The following TSPAN18 variants were observed in gnomAD, a reference collection of about 807,000 sequenced individuals.
TSPAN18 encodes tetraspanin-18.
A neutral mutation model predicts 27.3 loss-of-function variants in TSPAN18; 14 were observed. That is an observed-to-expected ratio of 0.51 (90% CI 0.34 to 0.80). The LOEUF is 0.80. Ranked by LOEUF, TSPAN18 falls within the 30% of genes least tolerant of loss-of-function variation. The pLI, the probability that TSPAN18 is intolerant of heterozygous loss-of-function variation, is 0.01. For missense variants in TSPAN18, 268 were observed against 323.9 expected (o/e 0.83, Z 1.32); for synonymous variants, 143 against 136.5 (o/e 1.05, Z -0.33).
chr11:44,835,981 C>A (rs554188512), intron 2 of TSPAN18, among the ~76,000 whole-genome samples: 1 of 152,114 alleles, frequency 6.6e-6, no homozygotes, highest in Non-Finnish European at 1.5e-5. Context: ...CTGAACCCAC[C>A]GGCCATTCCC....
chr11:44,875,700 C>G (rs2135246945), intron 3 of TSPAN18, among the ~76,000 whole-genome samples: 2 of 152,356 alleles, frequency 1.3e-5, no homozygotes, highest in South Asian at 4.1e-4. Flanking sequence ...TCATTTCTAG[C>G]TCTTGGCCTC....
intron 2 of TSPAN18, among the ~76,000 whole-genome samples, chr11:44,819,134 C>T (rs1034770101): frequency 2.6e-5 from 4 of 152,190 alleles, no homozygotes; most frequent in Non-Finnish European, 4.4e-5. Flanking sequence ...TGCTCTGAGC[C>T]CCCTTCTGTC....
intron 3 of TSPAN18, among the ~76,000 whole-genome samples, chr11:44,889,852 A>G (rs1260427001): frequency 1.3e-5 from 2 of 152,194 alleles, no homozygotes; most frequent in Non-Finnish European, 2.9e-5. Context: ...TGGGCCCTTC[A>G]TTGAGCCTGC....
chr11:44,813,135 C>T (rs998834344), intron 2 of TSPAN18, among the ~76,000 whole-genome samples: 18 of 152,206 alleles, frequency 1.2e-4, no homozygotes, highest in Admixed American at 7.9e-4. Context: ...CTGGCCTCAG[C>T]GGCCTGGCGC....
At chr11:44,881,145 C>G (rs1438243233) in intron 3 of TSPAN18, among the ~76,000 whole-genome samples, 1 of 152,202 alleles carries the variant, frequency 6.6e-6, no homozygotes, top group Non-Finnish European at 1.5e-5. Context: ...GTCTTCACTG[C>G]TGAGAAATGG....
chr11:44,745,567 T>C (rs1174544829), intron 1 of TSPAN18, among the ~76,000 whole-genome samples: 1 of 152,142 alleles, frequency 6.6e-6, no homozygotes, highest in Non-Finnish European at 1.5e-5. Context: ...TTGGGGGGTG[T>C]CCAGAAGGGG....
intron 2 of TSPAN18, among the ~76,000 whole-genome samples, chr11:44,785,636 G>A (rs1856039051): frequency 6.6e-6 from 1 of 151,958 alleles, no homozygotes; most frequent in Non-Finnish European, 1.5e-5. Context: ...CTTTGGCAAG[G>A]TGGTTTTATA....
At chr11:44,895,413 G>T (rs556655931) in intron 3 of TSPAN18, among the ~76,000 whole-genome samples, 14 of 152,148 alleles carry the variant, frequency 9.2e-5, no homozygotes, top group Non-Finnish European at 2.1e-4. Flanking sequence ...GGAGAGGGGG[G>T]TGACTTTCCC....
Position 44,900,657 on chromosome 11 carries a change from T to C in TSPAN18, c.-10-5750T>C, listed in dbSNP as rs899401862. Among the ~76,000 whole-genome samples, 11 of 150,620 alleles carry C rather than the reference T, an allele frequency of 7.3e-5. No individual in the cohort carries two copies. The South Asian group carries it at 2.3e-3, about 32-fold the overall frequency. On this transcript the variant is annotated intron_variant, in intron 3 of 9. Transcript: ENST00000520358. ...CATGTGCCAAGCCCTGTGCTCAGTATTTTCCATACAACTTGAGGAAGGCTT... is the reference window on the plus strand; with the variant it reads ...CATGTGCCAAGCCCTGTGCTCAGTACTTTCCATACAACTTGAGGAAGGCTT...
At position 44,930,467 on chromosome 11, in the gene TSPAN18, T is replaced by C; in HGVS notation, c.*1289T>C. The C allele has an allele frequency of 4.4e-6, 1 of 228,660 alleles. No individual in the cohort carries two copies. The highest frequency in any genetic ancestry group is 8.8e-6 in the Non-Finnish European group (1 of 114,006). 14.2% of individuals were successfully genotyped at this position (228,660 alleles called of 1,614,324 possible). On this transcript the variant is annotated 3_prime_UTR_variant, in exon 10 of 10. Coordinates refer to ENST00000520358, the MANE Select transcript of TSPAN18 (RefSeq NM_130783.5). ...CACACATTGACTCCCCTGAGCCCTC[T>C]TCTCTCCAGGCTAAAGAATCCCGAA... is the stretch of plus-strand genomic sequence containing the variant.
intron 2 of TSPAN18, among the ~76,000 whole-genome samples, chr11:44,811,758 G>T (rs149763409): frequency 6.6e-6 from 1 of 152,158 alleles, no homozygotes; most frequent in African/African-American, 2.4e-5. Flanking sequence ...CACTGCACCC[G>T]GCCTATGTTT....
At chr11:44,834,506 G>A (rs1294930916) in intron 2 of TSPAN18, among the ~76,000 whole-genome samples, 2 of 152,116 alleles carry the variant, frequency 1.3e-5, no homozygotes, top group African/African-American at 4.8e-5. Context: ...TGAAACCCAA[G>A]GCCTCACAAG....
chr11:44,790,380 T>C (rs1856177297), intron 2 of TSPAN18, among the ~76,000 whole-genome samples: 1 of 149,478 alleles, frequency 6.7e-6, no homozygotes, highest in Non-Finnish European at 1.5e-5. Context: ...TTTGTGTGCG[T>C]GTGTGTGCAT....
intron 2 of TSPAN18, among the ~76,000 whole-genome samples, chr11:44,812,467 T>C (rs958829984): frequency 7.9e-5 from 12 of 152,196 alleles, no homozygotes; most frequent in African/African-American, 2.4e-4. Context: ...AAAAGAATCC[T>C]CTGCTGTCAT....
At chr11:44,917,776 T>C in intron 5 of TSPAN18, 196 bp from the exon 6 acceptor site, 1 of 598,132 alleles carries the variant, frequency 1.7e-6, no homozygotes, top group Admixed American at 2.9e-5. Context: ...CATATTTTGA[T>C]CTCAATCCTG....
At chr11:44,884,282 C>T (rs1451234227) in intron 3 of TSPAN18, among the ~76,000 whole-genome samples, 3 of 152,226 alleles carry the variant, frequency 2.0e-5, no homozygotes. Context: ...GGCCAAGGTC[C>T]ACAGCAGGCA....
chr11:44,866,519 C>T (rs999341542), intron 3 of TSPAN18, among the ~76,000 whole-genome samples: 1 of 152,220 alleles, frequency 6.6e-6, no homozygotes, highest in Non-Finnish European at 1.5e-5. Context: ...AGCCAGGGCA[C>T]AGCTGTGGTC....
chr11:44,900,680 CTTTTTTTTTTTTTTT>C (rs72469181), intron 3 of TSPAN18, among the ~76,000 whole-genome samples: 13 of 49,728 alleles, frequency 2.6e-4, no homozygotes, highest in South Asian at 2.0e-3. Context: ...TTGAGGAAGG[CTTTTTTTTTTTTTTT>C]TTTTTTTTTT....
At chr11:44,860,633 G>C (rs1435838970) in intron 3 of TSPAN18, among the ~76,000 whole-genome samples, 164 bp downstream of exon 3, 2 of 152,206 alleles carry the variant, frequency 1.3e-5, no homozygotes, top group Non-Finnish European at 2.9e-5. Flanking sequence ...ATAGTAAGGG[G>C]TGCAGATAGT....
Sources: allele counts gnomAD v4.1 joint callset (sites outside exome capture counted in the v4.1 genomes callset), GRCh38; gene constraint gnomAD v4.1.1; transcripts MANE v1.5; gene names NCBI Gene and HGNC (gene_info 2026-07-23, HGNC 2026-07-21).